CNTNAP2: variants seen among roughly 807,000 people sequenced by gnomAD.
CNTNAP2 encodes contactin associated protein 2.
A neutral mutation model predicts 155.2 loss-of-function variants in CNTNAP2; 98 were observed. That is an observed-to-expected ratio of 0.63 (90% CI 0.54 to 0.75). The LOEUF is 0.75. Among genes scored for constraint, CNTNAP2 ranks in the 30% least tolerant of loss-of-function variants. The probability of loss-of-function intolerance (pLI) is 0.00; values close to 1 mark genes in which losing one functional copy is unlikely to be tolerated. For missense variants in CNTNAP2, 1,727 were observed against 1,688.1 expected, an observed-to-expected ratio of 1.02 and a Z score of -0.40; for synonymous variants, 651 against 631.2, an observed-to-expected ratio of 1.03 and a Z score of -0.47.
chr7:147,442,631 C>G (rs1797662250), intron 10 of CNTNAP2, among the ~76,000 whole-genome samples: 1 of 152,104 alleles, frequency 6.6e-6, no homozygotes, highest in South Asian at 2.1e-4. Flanking sequence ...CTGAAGCCAG[C>G]AAGTGTGAAT....
In CNTNAP2 at chr7:148,213,624, C is replaced by T. The variant is rs546796020; in HGVS notation, c.3011-3664C>T. Reference sequence around the variant, plus strand: ...TCCCAGGTCCACCTCTTCTCACCCCCGCCAGAGCCTGTTCTCAGGTAATGA... The same window carrying T: ...TCCCAGGTCCACCTCTTCTCACCCCTGCCAGAGCCTGTTCTCAGGTAATGA... On this transcript the variant is annotated intron_variant, in intron 18 of 23. Transcript: ENST00000361727. Among the ~76,000 whole-genome samples, 11 of 152,206 alleles carry T rather than the reference C, an allele frequency of 7.2e-5. No individual in the cohort carries two copies. In the East Asian group the frequency reaches 1.2e-3, roughly 16 times the overall value.
At chr7:147,749,127 A>G (rs1025910435) in intron 13 of CNTNAP2, among the ~76,000 whole-genome samples, 3 of 152,250 alleles carry the variant, frequency 2.0e-5, no homozygotes, top group African/African-American at 7.2e-5. Flanking sequence ...TCAAAAGAAT[A>G]AAATAAAAAT....
At chr7:146,454,228 T>C (rs1796522949) in intron 1 of CNTNAP2, among the ~76,000 whole-genome samples, 1 of 152,206 alleles carries the variant, frequency 6.6e-6, no homozygotes, top group Admixed American at 6.5e-5. Context: ...TCATTTCTTG[T>C]TATAGATATT....
At chr7:146,435,674 T>C (rs1351613046) in intron 1 of CNTNAP2, among the ~76,000 whole-genome samples, 1 of 152,174 alleles carries the variant, frequency 6.6e-6, no homozygotes, top group African/African-American at 2.4e-5. Context: ...TCTGAGAGAA[T>C]TGATAAAAAC....
intron 19 of CNTNAP2, among the ~76,000 whole-genome samples, chr7:148,221,560 A>G (rs1483107509): frequency 1.3e-5 from 2 of 152,208 alleles, no homozygotes; most frequent in African/African-American, 4.8e-5. Context: ...TTCAAATACA[A>G]CATGTTTTTA....
intron 1 of CNTNAP2, among the ~76,000 whole-genome samples, chr7:146,526,359 G>A (rs891397693): frequency 6.6e-6 from 1 of 152,160 alleles, no homozygotes; most frequent in African/African-American, 2.4e-5. Context: ...TGCTTTACAG[G>A]AAGTGTGGTG....
At chr7:147,802,102 G>C (rs1345073588) in intron 13 of CNTNAP2, among the ~76,000 whole-genome samples, 1 of 149,858 alleles carries the variant, frequency 6.7e-6, no homozygotes, top group Admixed American at 6.6e-5. Flanking sequence ...TCTCAGACGG[G>C]GCGGCCGGGC....
chr7:147,632,566 C>A (rs1364795512), intron 12 of CNTNAP2, among the ~76,000 whole-genome samples: 2 of 152,146 alleles, frequency 1.3e-5, no homozygotes, highest in African/African-American at 4.8e-5. Flanking sequence ...CCATGTGAAA[C>A]TAAGAGTCAA....
chr7:147,086,952 A>G (rs1237605575), intron 4 of CNTNAP2, among the ~76,000 whole-genome samples: 1 of 152,188 alleles, frequency 6.6e-6, no homozygotes, highest in East Asian at 1.9e-4. Context: ...ATACTTAGAA[A>G]AGTTTTATGC....
chr7:147,037,452 T>TC (rs1491323561), intron 3 of CNTNAP2, among the ~76,000 whole-genome samples: 4,373 of 119,668 alleles, frequency 0.037, 146 homozygotes, highest in Middle Eastern at 0.052. Context: ...GTTTTTTTTT[T>TC]CCCTTTTTTT....
At chr7:147,029,999 A>G (rs1798997985) in intron 3 of CNTNAP2, among the ~76,000 whole-genome samples, 1 of 152,190 alleles carries the variant, frequency 6.6e-6, no homozygotes, top group South Asian at 2.1e-4. Flanking sequence ...TGCCATTAAT[A>G]CTTAACAAAT....
intron 1 of CNTNAP2, among the ~76,000 whole-genome samples, chr7:146,399,400 C>A (rs538086170): frequency 6.6e-6 from 1 of 152,226 alleles, no homozygotes; most frequent in South Asian, 2.1e-4. Context: ...TTTATGACTC[C>A]ATTTATACAT....
At chr7:146,931,220 A>C (rs1366667759) in intron 3 of CNTNAP2, among the ~76,000 whole-genome samples, 4 of 152,114 alleles carry the variant, frequency 2.6e-5, no homozygotes, top group African/African-American at 4.8e-5. Context: ...AAAGAACAGA[A>C]ATTATAACAA....
rs1802236270 is a variant in CNTNAP2 at position 148,019,286 on chromosome 7, C to CT, written c.2383+41298dup. 2.6e-5 allele frequency among the ~76,000 whole-genome samples: 4 copies of CT among 152,330 alleles called. No homozygotes were observed. In the South Asian group the frequency reaches 8.3e-4, roughly 32 times the overall value. ...CTCCTAGCATCAGTCTGGGAATTCT[C>CT]TGTCTCCTATGGGATCCAGGACCTG... On this transcript the variant is annotated intron_variant, in intron 15 of 23. Transcript: ENST00000361727.
intron 8 of CNTNAP2, among the ~76,000 whole-genome samples, chr7:147,159,186 G>A (rs773524850): frequency 6.6e-6 from 1 of 151,996 alleles, no homozygotes; most frequent in African/African-American, 2.4e-5. Flanking sequence ...AGCAGAAAGG[G>A]CTTACATGAA....
intron 1 of CNTNAP2, among the ~76,000 whole-genome samples, chr7:146,241,160 A>G (rs1298576883): frequency 2.6e-5 from 4 of 152,286 alleles, no homozygotes; most frequent in East Asian, 3.9e-4. Flanking sequence ...CCCCACCTCC[A>G]ATACTGGGGA....
chr7:147,355,857 C>T (rs1796054686), intron 9 of CNTNAP2, among the ~76,000 whole-genome samples: 1 of 152,080 alleles, frequency 6.6e-6, no homozygotes, highest in Non-Finnish European at 1.5e-5. Context: ...ACCAGAGGTA[C>T]AAAGAGGAGC....
At chr7:147,963,288 TAAC>T (rs1189238610) in intron 14 of CNTNAP2, among the ~76,000 whole-genome samples, 2 of 152,058 alleles carry the variant, frequency 1.3e-5, no homozygotes, top group African/African-American at 4.8e-5. Flanking sequence ...CCCAGAAAAT[TAAC>T]AATCTATGTC....
chr7:148,321,704 A>G (rs190496635), intron 21 of CNTNAP2, among the ~76,000 whole-genome samples: 126 of 152,298 alleles, frequency 8.3e-4, no homozygotes, highest in African/African-American at 2.9e-3. Context: ...GTCCAATGCA[A>G]TCATCAGGCA....
Sources: allele counts gnomAD v4.1 joint callset (sites outside exome capture counted in the v4.1 genomes callset), GRCh38; gene constraint gnomAD v4.1.1; transcripts MANE v1.5; gene names NCBI Gene and HGNC (gene_info 2026-07-23, HGNC 2026-07-21).